DLEU7: variants seen among roughly 807,000 people sequenced by gnomAD.
DLEU7 encodes the protein deleted in lymphocytic leukemia 7, also known as leukemia-associated protein 7.
A neutral mutation model predicts 16.0 loss-of-function variants in DLEU7; 17 were observed. The observed-to-expected ratio is 1.06, with a 90% confidence interval of 0.73 to 1.59. DLEU7 has a LOEUF of 1.59. Among genes scored for constraint, DLEU7 ranks in the 40% most tolerant of loss-of-function variants. The probability of loss-of-function intolerance (pLI) is 0.00; values close to 1 mark genes in which losing one functional copy is unlikely to be tolerated. For synonymous variants in DLEU7, 113 were observed against 139.8 expected, an observed-to-expected ratio of 0.81 and a Z score of 1.35; for missense variants, 308 against 314.9, an observed-to-expected ratio of 0.98 and a Z score of 0.17.
At chr13:50,747,734 G>A (rs1013528390) in intron 1 of DLEU7, among the ~76,000 whole-genome samples, 21 of 152,178 alleles carry the variant, frequency 1.4e-4, no homozygotes, top group African/African-American at 4.6e-4. Flanking sequence ...AAAGATGGGA[G>A]TTATAAACTT....
At chr13:50,775,460 C>T (rs908588161) in intron 1 of DLEU7, among the ~76,000 whole-genome samples, 2 of 152,174 alleles carry the variant, frequency 1.3e-5, no homozygotes, top group African/African-American at 2.4e-5. Context: ...AACTGTCTGC[C>T]TGCATTGGGC....
At chr13:50,763,884 G>C (rs1305034821) in intron 1 of DLEU7, among the ~76,000 whole-genome samples, 2 of 152,198 alleles carry the variant, frequency 1.3e-5, no homozygotes, top group Non-Finnish European at 2.9e-5. Context: ...GATTGCTGTG[G>C]GGACTAAGTG....
intron 1 of DLEU7, among the ~76,000 whole-genome samples, chr13:50,769,893 C>T (rs1335218216): frequency 2.0e-4 from 31 of 152,312 alleles, no homozygotes; most frequent in Admixed American, 1.7e-3. Flanking sequence ...GCCATTTTCA[C>T]GACATTGATT....
chr13:50,788,969 C>G (rs973811411), intron 1 of DLEU7, among the ~76,000 whole-genome samples: 10 of 152,128 alleles, frequency 6.6e-5, no homozygotes, highest in African/African-American at 2.4e-4. Context: ...AGGAAGTCCG[C>G]AGCCGAGTGA....
chr13:50,748,083 T>C (rs908206215), intron 1 of DLEU7, among the ~76,000 whole-genome samples: 1 of 152,206 alleles, frequency 6.6e-6, no homozygotes, highest in Admixed American at 6.5e-5. Flanking sequence ...TAAACAGAAA[T>C]TAATAAGACT....
chr13:50,754,090 T>C (rs1055006967), intron 1 of DLEU7, among the ~76,000 whole-genome samples: 1 of 152,252 alleles, frequency 6.6e-6, no homozygotes, highest in East Asian at 1.9e-4. Context: ...TTTTATGGCC[T>C]ATCATATGGT....
At chr13:50,776,924 T>A (rs1875517655) in intron 1 of DLEU7, among the ~76,000 whole-genome samples, 1 of 152,224 alleles carries the variant, frequency 6.6e-6, no homozygotes, top group African/African-American at 2.4e-5. Context: ...TTTGTTTGTT[T>A]GTTTTTTAAG....
chr13:50,729,666 G>A (rs563349094), intron 1 of DLEU7, among the ~76,000 whole-genome samples: 1 of 152,262 alleles, frequency 6.6e-6, no homozygotes, highest in Admixed American at 6.5e-5. Flanking sequence ...GAGTATAAGT[G>A]TTCTCTTTTC....
At chr13:50,842,465 G>A (rs1009154862) in intron 1 of DLEU7, among the ~76,000 whole-genome samples, 11 of 152,146 alleles carry the variant, frequency 7.2e-5, no homozygotes, top group Admixed American at 5.9e-4. Context: ...CCAGATTTCC[G>A]CAATCTCACT....
chr13:50,764,586 A>G (rs563039720), intron 1 of DLEU7, among the ~76,000 whole-genome samples: 41 of 152,332 alleles, frequency 2.7e-4, no homozygotes, highest in Admixed American at 1.2e-3. Context: ...ATGAACCCCT[A>G]ATCTTAGTCA....
At chr13:50,786,332 G>T (rs1875793915) in intron 1 of DLEU7, among the ~76,000 whole-genome samples, 1 of 152,144 alleles carries the variant, frequency 6.6e-6, no homozygotes, top group Non-Finnish European at 1.5e-5. Flanking sequence ...TTGCCCAGAA[G>T]TTTCCTTGCC....
In DLEU7 at chr13:50,815,176, C is replaced by A. The variant is rs370903294; in HGVS notation, c.459+28012G>T. Among the ~76,000 whole-genome samples, 23 of 152,134 alleles carry A rather than the reference C, an allele frequency of 1.5e-4. 1 individual carries two copies. The highest frequency in any genetic ancestry group is 7.4e-5 in the Non-Finnish European group (5 of 67,958). ...TATTTGTTATCAACAGTGTTTAAAA[C>A]CTGTAGCTAAAAGACATCTTGGAAA... is the stretch of plus-strand genomic sequence containing the variant. On this transcript the variant is annotated intron_variant, in intron 1 of 1. Coordinates refer to the DLEU7 transcript ENST00000400393.
intron 1 of DLEU7, among the ~76,000 whole-genome samples, chr13:50,756,992 T>C (rs1874781559): frequency 1.3e-5 from 2 of 152,234 alleles, no homozygotes; most frequent in South Asian, 4.1e-4. Context: ...TTCTTTTATT[T>C]ACTCCAGTGA....
intron 1 of DLEU7, among the ~76,000 whole-genome samples, chr13:50,778,666 A>G (rs1020007454): frequency 6.6e-6 from 1 of 152,230 alleles, no homozygotes; most frequent in Admixed American, 6.5e-5. Flanking sequence ...ATCTCCACAC[A>G]TAGTGCCAGC....
intron 1 of DLEU7, among the ~76,000 whole-genome samples, chr13:50,764,294 G>T (rs977040754): frequency 6.6e-6 from 1 of 152,164 alleles, no homozygotes. Flanking sequence ...TCCATAAAAG[G>T]AGTTCAACAG....
intron 1 of DLEU7, among the ~76,000 whole-genome samples, chr13:50,831,413 C>A (rs1323885): frequency 0.6 from 90,671 of 151,940 alleles, 27,563 homozygotes; most frequent in African/African-American, 0.72. Flanking sequence ...TATGGAGGAA[C>A]GCATTATTTG....
Position 50,843,268 on chromosome 13 carries a change from A to G in DLEU7, c.379T>C (p.Ser127Pro). 6.3e-7 allele frequency: 1 copy of G among 1,590,698 alleles called. No homozygotes were observed. The highest frequency in any genetic ancestry group is 2.4e-5 in the East Asian group (1 of 41,982). ...MRSALARVVDSTSELVSVEQT... is the reference protein window; with the variant it reads ...MRSALARVVDPTSELVSVEQT... ...TCCACGCTGACCAGCTCCGAAGTCG[A>G]GTCCACCACGCGGGCCAGCGCGCTG... Residue 127 changes from serine to proline, a missense_variant, in exon 1 of 2, where the codon TCG becomes CCG. Ser to Pro is a moderately conservative substitution (Grantham distance 74). Coordinates refer to ENST00000504404, the MANE Select transcript of DLEU7 (RefSeq NM_001306135.2). This position sits in a 1 kb window ranked among gnomAD's most constrained non-coding sequence, Gnocchi z 5.7.
chr13:50,763,711 C>T (rs573553024), intron 1 of DLEU7, among the ~76,000 whole-genome samples: 1 of 152,330 alleles, frequency 6.6e-6, no homozygotes, highest in South Asian at 2.1e-4. Flanking sequence ...ATCCTAGCTC[C>T]CGGATCTGCC....
chr13:50,732,370 G>T (rs920347868), intron 1 of DLEU7, among the ~76,000 whole-genome samples: 2 of 152,162 alleles, frequency 1.3e-5, no homozygotes, highest in South Asian at 2.1e-4. Context: ...CAGCACTTTG[G>T]GAGGCTGAGG....
Sources: allele counts gnomAD v4.1 joint callset (sites outside exome capture counted in the v4.1 genomes callset), GRCh38; gene constraint gnomAD v4.1.1; non-coding constraint Gnocchi (gnomAD v3.1); transcripts MANE v1.5; gene names NCBI Gene and HGNC (gene_info 2026-07-23, HGNC 2026-07-21).